The following ST3GAL3 variants were observed in gnomAD, a reference collection of about 807,000 sequenced individuals.
The protein encoded by ST3GAL3 is CMP-N-acetylneuraminate-beta-1,4-galactoside alpha-2,3-sialyltransferase.
Under a neutral mutation model 50.1 loss-of-function variants are expected in ST3GAL3, and 21 were observed. The ratio of observed to expected loss-of-function variants is 0.42; its 90% CI spans 0.30 to 0.60. The LOEUF is 0.60. Among genes scored for constraint, ST3GAL3 ranks in the 20% least tolerant of loss-of-function variants. The pLI is 0.19. For synonymous variants in ST3GAL3, 183 were observed against 190.0 expected (o/e 0.96, Z 0.30); for missense variants, 353 against 489.4 (o/e 0.72, Z 2.63).
At chr1:43,751,685 A>G (rs557610351) in intron 2 of ST3GAL3, among the ~76,000 whole-genome samples, 28 of 152,336 alleles carry the variant, frequency 1.8e-4, no homozygotes, top group Non-Finnish European at 2.6e-4. Flanking sequence ...ACAGCAGTAA[A>G]CATTAATTGG....
intron 3 of ST3GAL3, among the ~76,000 whole-genome samples, chr1:43,803,216 G>A (rs939033489): frequency 6.6e-6 from 1 of 152,098 alleles, no homozygotes; most frequent in African/African-American, 2.4e-5. Flanking sequence ...GAGCCACCAT[G>A]CTTAGCCTGG....
rs535279389 is a variant in ST3GAL3, at chr1:43,930,842, G to T, written c.*621G>T. On this transcript the variant is annotated 3_prime_UTR_variant, in exon 12 of 12. Transcript: ENST00000347631. ...TCACCAGCCCTAGCTGTCCCATGGGGAAACCCTGGAGCCATCCCTTCGGAG... is the reference window on the plus strand; with the variant it reads ...TCACCAGCCCTAGCTGTCCCATGGGTAAACCCTGGAGCCATCCCTTCGGAG... The T allele has an allele frequency of 5.7e-6, 1 of 174,842 alleles. No individual in the cohort carries two copies. Among genetic ancestry groups the T allele is most frequent in the Admixed American group, 5.5e-5 (1 of 18,322 alleles). The allele number at this position is 174,842 out of a possible 1,614,324, so 10.8% of individuals were successfully genotyped here. A position where few individuals can be genotyped will look rare whatever the true frequency, so the allele number is the denominator to read the frequency against.
intron 1 of ST3GAL3, among the ~76,000 whole-genome samples, chr1:43,726,341 C>T (rs539176244): frequency 3.9e-5 from 6 of 152,158 alleles, no homozygotes; most frequent in South Asian, 2.1e-4. Context: ...GGCTGGAGTG[C>T]GGTGGCATGA....
intron 9 of ST3GAL3, among the ~76,000 whole-genome samples, chr1:43,906,202 C>T (rs1256298861): frequency 4.1e-5 from 5 of 122,668 alleles, no homozygotes; most frequent in South Asian, 3.2e-4. Flanking sequence ...TCCTCCTGTT[C>T]CCCTTCCTGC....
intron 9 of ST3GAL3, among the ~76,000 whole-genome samples, chr1:43,910,794 G>A (rs1005077828): frequency 2.0e-5 from 3 of 152,236 alleles, no homozygotes; most frequent in Admixed American, 6.5e-5. Flanking sequence ...CAGTATAACC[G>A]GGGTGTGGCA....
At chr1:43,740,277 C>T (rs569172578) in intron 2 of ST3GAL3, among the ~76,000 whole-genome samples, 16 of 150,904 alleles carry the variant, frequency 1.1e-4, no homozygotes, top group South Asian at 4.2e-4. Context: ...GCAGGAGAAC[C>T]GCTTGAACTC....
rs181589257 is a variant in ST3GAL3 at position 43,806,929 on chromosome 1, G to A, written c.167-7962G>A. On this transcript the variant is annotated intron_variant, in intron 3 of 11. Transcript: ENST00000347631. ...TGGTCTCACACACCTGGGTTCAAGC[G>A]ATCTGCCTGCCTTGGCCTCCCAAAG... Among the ~76,000 whole-genome samples, 181 of 152,334 alleles carry A rather than the reference G, an allele frequency of 1.2e-3. 1 individual carries two copies. Among genetic ancestry groups the A allele is most frequent in the African/African-American group, 4.2e-3 (176 of 41,582 alleles).
intron 3 of ST3GAL3, among the ~76,000 whole-genome samples, chr1:43,810,425 G>A (rs1046152405): frequency 6.6e-6 from 1 of 152,180 alleles, no homozygotes; most frequent in African/African-American, 2.4e-5. Flanking sequence ...GTGAGTCAGA[G>A]GGCATTATGA....
chr1:43,799,868 T>C (rs1027421601), intron 3 of ST3GAL3, among the ~76,000 whole-genome samples: 1 of 152,234 alleles, frequency 6.6e-6, no homozygotes, highest in Non-Finnish European at 1.5e-5. Context: ...CAAGATGCCC[T>C]GGGATGGCCC....
chr1:43,806,723 C>T lies in ST3GAL3; in HGVS notation c.167-8168C>T, dbSNP rs1372939981. 2.0e-5 allele frequency among the ~76,000 whole-genome samples: 3 copies of T among 152,190 alleles called. No individual in the cohort carries two copies. In the East Asian group the frequency reaches 5.8e-4, roughly 29 times the overall value. ...TTTTATTTTGAAACAGGGTCTTACTCCCGTTGCCCAGGCCAGAGTGCAGCA... is the reference window on the plus strand; with the variant it reads ...TTTTATTTTGAAACAGGGTCTTACTTCCGTTGCCCAGGCCAGAGTGCAGCA... On this transcript the variant is annotated intron_variant, in intron 3 of 11. Coordinates refer to ENST00000347631, the MANE Select transcript of ST3GAL3 (RefSeq NM_006279.5).
intron 2 of ST3GAL3, among the ~76,000 whole-genome samples, chr1:43,788,438 A>C (rs1259294676): frequency 1.3e-5 from 2 of 152,314 alleles, no homozygotes; most frequent in Admixed American, 6.5e-5. Flanking sequence ...TCTCGCCTGG[A>C]AAACTCTTAG....
At chr1:43,845,163 A>G (rs902975696) in intron 5 of ST3GAL3, among the ~76,000 whole-genome samples, 1 of 152,092 alleles carries the variant, frequency 6.6e-6, no homozygotes, top group African/African-American at 2.4e-5. Flanking sequence ...TTGTATTTTT[A>G]GTAGAGATGG....
At position 43,920,467 on chromosome 1, in the gene ST3GAL3, C is replaced by A; in HGVS notation, c.808C>A (p.Arg270=). The A allele has an allele frequency of 6.2e-7, 1 of 1,614,168 alleles. No homozygotes were observed. Among genetic ancestry groups the A allele is most frequent in the South Asian group, 1.1e-5 (1 of 91,086 alleles). The change falls in exon 10 of 12, where the codon CGA becomes AGA. Residue 270 remains arginine (R), a synonymous_variant. Transcript: ENST00000347631. ...AGTGCCCAAGGAGCCCCCTGAGATTCGAATCCTCAACCCATATTTCATCCA... is the reference window on the plus strand; with the variant it reads ...AGTGCCCAAGGAGCCCCCTGAGATTAGAATCCTCAACCCATATTTCATCCA... The part of the protein sequence containing the change: ...TRVPKEPPEI[R]ILNPYFIQEA...
intron 5 of ST3GAL3, among the ~76,000 whole-genome samples, chr1:43,884,438 G>A (rs950281018): frequency 6.6e-6 from 1 of 152,168 alleles, no homozygotes; most frequent in Non-Finnish European, 1.5e-5. Context: ...GAAAGTGTTC[G>A]CATTACTTGC....
At chr1:43,735,207 A>C (rs1677869310) in intron 1 of ST3GAL3, among the ~76,000 whole-genome samples, 1 of 152,210 alleles carries the variant, frequency 6.6e-6, no homozygotes, top group African/African-American at 2.4e-5. Flanking sequence ...ATGGCTCTTT[A>C]AAGATATCCA....
intron 2 of ST3GAL3, among the ~76,000 whole-genome samples, chr1:43,762,354 T>C (rs184566169): frequency 2.0e-5 from 3 of 152,100 alleles, no homozygotes; most frequent in Admixed American, 6.5e-5. Context: ...CAGAGACTTA[T>C]TTAGTCTCTG....
chr1:43,821,574 T>C (rs2062099887), intron 4 of ST3GAL3, among the ~76,000 whole-genome samples: 1 of 152,102 alleles, frequency 6.6e-6, no homozygotes, highest in Non-Finnish European at 1.5e-5. Flanking sequence ...GACTTGAGGA[T>C]AAGAAAACTG....
intron 3 of ST3GAL3, among the ~76,000 whole-genome samples, chr1:43,802,340 G>A (rs965941917): frequency 7.2e-5 from 11 of 152,178 alleles, no homozygotes; most frequent in Non-Finnish European, 1.3e-4. Context: ...AAATCCAACA[G>A]TTCTTCCTTT....
intron 1 of ST3GAL3, among the ~76,000 whole-genome samples, chr1:43,712,749 C>T (rs889072689): frequency 7.9e-5 from 12 of 152,202 alleles, no homozygotes; most frequent in African/African-American, 2.7e-4. Flanking sequence ...GCTTTTCACA[C>T]AGGCAACAAT....
Sources: allele counts gnomAD v4.1 joint callset (sites outside exome capture counted in the v4.1 genomes callset), GRCh38; gene constraint gnomAD v4.1.1; transcripts MANE v1.5; gene names NCBI Gene and HGNC (gene_info 2026-07-23, HGNC 2026-07-21).